DCAF17: variants seen among roughly 807,000 people sequenced by gnomAD.
DCAF17 encodes DDB1- and CUL4-associated factor 17.
Under a neutral mutation model 66.0 loss-of-function variants are expected in DCAF17, and 48 were observed. The observed-to-expected ratio is 0.73, with a 90% CI of 0.58 to 0.92. The LOEUF is 0.92. Among genes scored for constraint, DCAF17 ranks in the 40% least tolerant of loss-of-function variants. DCAF17 has a pLI of 0.00. For missense variants in DCAF17, 562 were observed against 622.8 expected (o/e 0.90, Z 1.04); for synonymous variants, 206 against 214.6 (o/e 0.96, Z 0.35).
intron 6 of DCAF17, 116 bp from the exon 7 acceptor site, chr2:171,457,855 G>T (rs2105772429): frequency 1.2e-6 from 1 of 857,692 alleles, no homozygotes; most frequent in Non-Finnish European, 2.0e-6. Context: ...TTAATGCTAG[G>T]CGGCAGTGTT....
intron 11 of DCAF17, 29 bp downstream of exon 11, chr2:171,476,979 A>T (rs1240490007): frequency 1.3e-6 from 2 of 1,506,706 alleles, no homozygotes; most frequent in Non-Finnish European, 1.8e-6. Context: ...AAAATCCTTT[A>T]TATATCATTG....
At chr2:171,461,162 T>C (rs1559277481) in intron 8 of DCAF17, among the ~76,000 whole-genome samples, 1 of 152,150 alleles carries the variant, frequency 6.6e-6, no homozygotes, top group Non-Finnish European at 1.5e-5. Flanking sequence ...ATTGGGAAAT[T>C]GGCCAGGCGT....
At chr2:171,450,430 AT>A (rs199695390) in intron 5 of DCAF17, among the ~76,000 whole-genome samples, 90 of 150,676 alleles carry the variant, frequency 6.0e-4, no homozygotes, top group African/African-American at 1.9e-3. Context: ...TGATAGGTAG[AT>A]TTTTTTTTTC....
intron 10 of DCAF17, among the ~76,000 whole-genome samples, chr2:171,475,648 A>T (rs1350015808): frequency 1.3e-5 from 2 of 152,184 alleles, no homozygotes; most frequent in African/African-American, 4.8e-5. Context: ...CTGTGGTCTT[A>T]GCTCCTCAGG....
Position 171,483,249 on chromosome 2 carries a change from CT to C in DCAF17, c.*2136del. The stretch of plus-strand genomic sequence containing the variant: ...TGTCTTCCTGCCCTACCTAAACCCC[CT>C]CTTTACCTGATATTTTAATTCGAGA... On this transcript the variant is annotated 3_prime_UTR_variant, in exon 14 of 14. Coordinates refer to ENST00000375255, the MANE Select transcript of DCAF17 (RefSeq NM_025000.4). 1 of 454,112 alleles carries C rather than the reference CT, an allele frequency of 2.2e-6. No individual in the cohort carries two copies. The highest frequency in any genetic ancestry group is 2.0e-5 in the African/African-American group (1 of 50,110). 28.1% of individuals were successfully genotyped at this position (454,112 alleles called of 1,614,324 possible).
At chr2:171,459,258 G>C (rs537111291) in intron 8 of DCAF17, among the ~76,000 whole-genome samples, 4 of 152,238 alleles carry the variant, frequency 2.6e-5, no homozygotes, top group African/African-American at 9.6e-5. Context: ...GTTGTGGTGA[G>C]CCAAGATCAT....
intron 7 of DCAF17, 113 bp downstream of exon 7, chr2:171,458,188 T>A: frequency 8.9e-7 from 1 of 1,128,048 alleles, no homozygotes; most frequent in Non-Finnish European, 1.3e-6. Context: ...AGATTTTGGC[T>A]CTAAAAAACT....
rs1404999369 is a variant in DCAF17 at position 171,434,409 on chromosome 2, T to A, written c.-169T>A. 8.3e-7 allele frequency: 1 copy of A among 1,204,002 alleles called. No individual in the cohort carries two copies. Among genetic ancestry groups the A allele is most frequent in the Admixed American group, 2.0e-5 (1 of 50,108 alleles). The allele number at this position is 1,204,002 out of a possible 1,614,324, so 74.6% of individuals were successfully genotyped here. On this transcript the variant is annotated 5_prime_UTR_variant, in exon 1 of 14. Transcript: ENST00000375255. ...GCGGTGCAAGCGGCTCTGCTTTCCC[T>A]CGCCCCGCCGTCGGGTGCTCCCTGC...
chr2:171,439,089 C>T (rs569112947), intron 2 of DCAF17, among the ~76,000 whole-genome samples: 1 of 151,868 alleles, frequency 6.6e-6, no homozygotes, highest in South Asian at 2.1e-4. Flanking sequence ...CAAATTAATT[C>T]TTATTGTTCC....
intron 13 of DCAF17, 67 bp downstream of exon 13, chr2:171,480,260 A>G (rs1428367623): frequency 1.1e-5 from 18 of 1,574,724 alleles, no homozygotes; most frequent in Admixed American, 1.7e-5. Flanking sequence ...ATTAGAACAG[A>G]TGTTATTGTG....
chr2:171,480,332 C>T, intron 13 of DCAF17, 139 bp downstream of exon 13: 7 of 1,067,922 alleles, frequency 6.6e-6, no homozygotes, highest in Non-Finnish European at 9.6e-6. Flanking sequence ...GTCCTATATA[C>T]AGGACAAAAG....
At chr2:171,473,060 G>GCAGTATTAGATCATTTCCT (rs1696333671) in intron 9 of DCAF17, 1 of 173,436 alleles carries the variant, frequency 5.8e-6, no homozygotes, top group African/African-American at 2.4e-5. Context: ...TAAAAGCTAA[G>GCAGTATTAGATCATTTCCT]CAGTATTAGA....
chr2:171,463,216 C>T (rs1477860189), intron 8 of DCAF17, among the ~76,000 whole-genome samples: 1 of 133,894 alleles, frequency 7.5e-6, no homozygotes, highest in African/African-American at 2.9e-5. Context: ...GGCGATGGAG[C>T]GAGATTTTAA....
intron 8 of DCAF17, among the ~76,000 whole-genome samples, chr2:171,461,159 A>T (rs1052646631): frequency 2.6e-5 from 4 of 152,154 alleles, no homozygotes; most frequent in Non-Finnish European, 4.4e-5. Flanking sequence ...AAAATTGGGA[A>T]ATTGGCCAGG....
At chr2:171,442,467 G>A (rs1393765858) in intron 2 of DCAF17, among the ~76,000 whole-genome samples, 1 of 151,492 alleles carries the variant, frequency 6.6e-6, no homozygotes, top group African/African-American at 2.4e-5. Flanking sequence ...AGGAGGCTGA[G>A]GCAGGAGAAT....
chr2:171,445,501 C>T (rs1251949446), intron 3 of DCAF17, among the ~76,000 whole-genome samples: 1 of 152,122 alleles, frequency 6.6e-6, no homozygotes, highest in Admixed American at 6.6e-5. Context: ...AAACCAGGAG[C>T]ATTTTGAATT....
chr2:171,481,265 C>A lies in DCAF17; in HGVS notation c.*151C>A. 1 of 944,416 alleles carries A rather than the reference C, an allele frequency of 1.1e-6. No individual in the cohort carries two copies. Among genetic ancestry groups the A allele is most frequent in the Non-Finnish European group, 1.7e-6 (1 of 597,258 alleles). The allele number at this position is 944,416 out of a possible 1,614,324, so 58.5% of individuals were successfully genotyped here. Reference sequence around the variant, plus strand: ...AGATGACTATGACTTCTTTTTTAAACTCTTGCTGTAAAAGATGGTGAGGAC... The same window carrying A: ...AGATGACTATGACTTCTTTTTTAAAATCTTGCTGTAAAAGATGGTGAGGAC... On this transcript the variant is annotated 3_prime_UTR_variant, in exon 14 of 14. Transcript: ENST00000375255.
chr2:171,455,026 T>C (rs1695171917), intron 6 of DCAF17, among the ~76,000 whole-genome samples: 1 of 152,122 alleles, frequency 6.6e-6, no homozygotes, highest in Non-Finnish European at 1.5e-5. Flanking sequence ...GCAGGTTTGT[T>C]ATATAGATAA....
chr2:171,482,751 G>T lies in DCAF17; in HGVS notation c.*1637G>T, dbSNP rs1214259258. ...TTTATGAAATGATAGTAAGGAACTC[G>T]TCTATTCTGAAAGGCATTTGAGAAA... On this transcript the variant is annotated 3_prime_UTR_variant, in exon 14 of 14. Coordinates refer to ENST00000375255, the MANE Select transcript of DCAF17 (RefSeq NM_025000.4). 6 of 453,102 alleles carry T rather than the reference G, an allele frequency of 1.3e-5. No homozygotes were observed. The highest frequency in any genetic ancestry group is 2.6e-5 in the Non-Finnish European group (6 of 226,614). 28.1% of individuals were successfully genotyped at this position (453,102 alleles called of 1,614,324 possible). A position where few individuals can be genotyped will look rare whatever the true frequency, so the allele number is the denominator to read the frequency against.
Sources: allele counts gnomAD v4.1 joint callset (sites outside exome capture counted in the v4.1 genomes callset), GRCh38; gene constraint gnomAD v4.1.1; transcripts MANE v1.5; gene names NCBI Gene and HGNC (gene_info 2026-07-23, HGNC 2026-07-21).